The following LRRTM4 variants were observed in gnomAD, a reference collection of about 807,000 sequenced individuals.
The protein encoded by LRRTM4 is leucine rich repeat transmembrane neuronal 4, also known as leucine-rich repeat transmembrane neuronal protein 4.
A neutral mutation model predicts 47.6 loss-of-function variants in LRRTM4; 25 were observed. The observed-to-expected ratio is 0.53, with a 90% CI of 0.38 to 0.73. The LOEUF (loss-of-function observed/expected upper bound fraction) is 0.73. LRRTM4 is among the 30% of genes least tolerant of loss of function. LRRTM4 has a pLI of 0.00. For missense variants in LRRTM4, 638 were observed against 713.4 expected (o/e 0.89, Z 1.20); for synonymous variants, 311 against 269.5 (o/e 1.15, Z -1.51).
intron 3 of LRRTM4, among the ~76,000 whole-genome samples, chr2:77,411,769 C>G (rs1674450028): frequency 6.6e-6 from 1 of 151,702 alleles, no homozygotes; most frequent in Non-Finnish European, 1.5e-5. Context: ...CGCGCCCGGC[C>G]CCCAGGGTCT....
At chr2:77,227,572 A>T (rs937994923) in intron 3 of LRRTM4, among the ~76,000 whole-genome samples, 1 of 152,110 alleles carries the variant, frequency 6.6e-6, no homozygotes, top group African/African-American at 2.4e-5. Context: ...CAATGACAAA[A>T]GTAGGTCAAT....
intron 3 of LRRTM4, among the ~76,000 whole-genome samples, chr2:77,394,701 C>T (rs906569345): frequency 9.2e-5 from 14 of 152,026 alleles, no homozygotes; most frequent in African/African-American, 2.6e-4. Context: ...ATGCAGGTTA[C>T]GTACAACTCA....
intron 3 of LRRTM4, among the ~76,000 whole-genome samples, chr2:76,977,906 T>G (rs4143796): frequency 3.9e-4 from 59 of 151,774 alleles, no homozygotes; most frequent in African/African-American, 1.2e-3. Flanking sequence ...ATGTCCTTTT[T>G]TGATAAATAT....
chr2:77,042,370 A>G (rs538231894), intron 3 of LRRTM4, among the ~76,000 whole-genome samples: 33 of 151,850 alleles, frequency 2.2e-4, no homozygotes, highest in African/African-American at 7.7e-4. Flanking sequence ...TCTGTGTTCA[A>G]TGTTACACTT....
chr2:77,232,415 A>T (rs560542878), intron 3 of LRRTM4, among the ~76,000 whole-genome samples: 1 of 152,230 alleles, frequency 6.6e-6, no homozygotes, highest in Non-Finnish European at 1.5e-5. Context: ...TGACGTCCAC[A>T]GGGCAACTCC....
At chr2:77,138,409 GT>G (rs1672014101) in intron 3 of LRRTM4, among the ~76,000 whole-genome samples, 1 of 152,138 alleles carries the variant, frequency 6.6e-6, no homozygotes, top group Admixed American at 6.5e-5. Flanking sequence ...AAATAAAGAT[GT>G]TGTTTGAAAC....
chr2:76,915,190 T>C (rs535200726), intron 3 of LRRTM4, among the ~76,000 whole-genome samples: 2 of 152,290 alleles, frequency 1.3e-5, no homozygotes, highest in Non-Finnish European at 2.9e-5. Context: ...TCCTCTTGAT[T>C]GGAGTGAGAG....
chr2:76,955,453 CATAAG>C (rs996950175), intron 3 of LRRTM4, among the ~76,000 whole-genome samples: 2 of 151,466 alleles, frequency 1.3e-5, no homozygotes, highest in African/African-American at 4.9e-5. Context: ...AAAATATAGA[CATAAG>C]ATATGAAAAA....
In LRRTM4 at chr2:76,986,385, G is replaced by T. The variant is rs552288806; in HGVS notation, c.1552-237469C>A. On this transcript the variant is annotated intron_variant, in intron 3 of 3. Coordinates refer to ENST00000409884, the MANE Select transcript of LRRTM4 (RefSeq NM_001134745.3). The stretch of plus-strand genomic sequence containing the variant: ...CTAGAGAGATTTCTTTTCAAGATAT[G>T]ATGTCTGCAAGAGCTAAATCAGAAG... Among the ~76,000 whole-genome samples the T allele has an allele frequency of 8.5e-4, 128 of 151,170 alleles. 5 individuals carry two copies. Among genetic ancestry groups the T allele is most frequent in the Non-Finnish European group, 5.0e-4 (34 of 67,930 alleles).
chr2:76,996,647 T>C (rs1677213288), intron 3 of LRRTM4, among the ~76,000 whole-genome samples: 1 of 152,124 alleles, frequency 6.6e-6, no homozygotes, highest in Admixed American at 6.6e-5. Context: ...AAAAATGTCA[T>C]AAGCATTTAT....
rs374797391 is a variant in LRRTM4, at chr2:76,981,433, T to A, written c.1552-232517A>T. On this transcript the variant is annotated intron_variant, in intron 3 of 3. Transcript: ENST00000409884. ...GGCAGAGACAGCTGGGCTTTGCAAATCAAAATCTATTTCAGTTGTAGAAAT... is the reference window on the plus strand; with the variant it reads ...GGCAGAGACAGCTGGGCTTTGCAAAACAAAATCTATTTCAGTTGTAGAAAT... 3.3e-4 allele frequency among the ~76,000 whole-genome samples: 50 copies of A among 152,212 alleles called. No homozygotes were observed. In the East Asian group the frequency reaches 9.5e-3, roughly 29 times the overall value.
At chr2:77,470,352 C>A (rs1443521074) in intron 3 of LRRTM4, among the ~76,000 whole-genome samples, 2 of 151,912 alleles carry the variant, frequency 1.3e-5, no homozygotes, top group African/African-American at 4.8e-5. Flanking sequence ...AAGTTGATGC[C>A]AAATATGTTG....
In LRRTM4 at chr2:77,420,623, G is replaced by GAT. The variant is rs148530177; in HGVS notation, c.1551+97693_1551+97694dup. Among the ~76,000 whole-genome samples the GAT allele has an allele frequency of 2.6e-3, 374 of 145,790 alleles. No homozygotes were observed. In the Middle Eastern group the frequency reaches 0.026, roughly 10 times the overall value. On this transcript the variant is annotated intron_variant, in intron 3 of 3. Coordinates refer to ENST00000409884, the MANE Select transcript of LRRTM4 (RefSeq NM_001134745.3). ...GGAAATATGACTTCGTAGTGTATGT[G>GAT]ATATATATATATATATATTTCTGCC...
chr2:77,131,801 A>G lies in LRRTM4; in HGVS notation c.1552-382885T>C, dbSNP rs1018450368. On this transcript the variant is annotated intron_variant, in intron 3 of 3. Coordinates refer to ENST00000409884, the MANE Select transcript of LRRTM4 (RefSeq NM_001134745.3). ...AATACTTAGGAGGAAGCATTCCTGA[A>G]GGACTGTGTCTTACTCTGTTTGAGC... Among the ~76,000 whole-genome samples, 15 of 152,304 alleles carry G rather than the reference A, an allele frequency of 9.8e-5. 2 individuals are homozygous for G. Among genetic ancestry groups the G allele is most frequent in the Admixed American group, 9.8e-4 (15 of 15,294 alleles).
chr2:76,903,559 A>T (rs1461530309), intron 3 of LRRTM4, among the ~76,000 whole-genome samples: 2 of 152,172 alleles, frequency 1.3e-5, no homozygotes, highest in African/African-American at 4.8e-5. Flanking sequence ...ACAAAAAAGA[A>T]GAACAAACAA....
intron 3 of LRRTM4, among the ~76,000 whole-genome samples, chr2:76,757,629 T>C (rs1460520581): frequency 6.6e-6 from 1 of 152,152 alleles, no homozygotes; most frequent in Non-Finnish European, 1.5e-5. Context: ...CAATAGTGCA[T>C]TGTAAGCAAA....
chr2:76,770,017 C>T (rs928233676), intron 3 of LRRTM4, among the ~76,000 whole-genome samples: 5 of 152,136 alleles, frequency 3.3e-5, no homozygotes, highest in Admixed American at 3.3e-4. Context: ...TCTGTTTGAG[C>T]AGGCCTGACA....
chr2:76,865,518 T>C (rs532733770), intron 3 of LRRTM4, among the ~76,000 whole-genome samples: 1 of 152,216 alleles, frequency 6.6e-6, no homozygotes, highest in Admixed American at 6.5e-5. Context: ...TCAGAGAAAG[T>C]ATTAGACTTT....
At chr2:77,336,833 T>C (rs556526767) in intron 3 of LRRTM4, among the ~76,000 whole-genome samples, 7 of 152,052 alleles carry the variant, frequency 4.6e-5, no homozygotes, top group Non-Finnish European at 1.0e-4. Flanking sequence ...TTCTCATCAC[T>C]CCTATTCAGC....
Sources: gnomAD v4.1 joint callset for allele counts (sites outside exome capture counted in the v4.1 genomes callset) on GRCh38, gnomAD v4.1.1 for gene constraint, MANE v1.5 for transcripts, NCBI Gene and HGNC (gene_info 2026-07-23, HGNC 2026-07-21) for gene names.